Variants in NEK11 observed in about 807,000 individuals in gnomAD.
The protein encoded by NEK11 is serine/threonine-protein kinase Nek11.
A neutral mutation model predicts 80.7 loss-of-function variants in NEK11; 72 were observed. The observed-to-expected ratio is 0.89, with a 90% CI of 0.74 to 1.08. The LOEUF (loss-of-function observed/expected upper bound fraction) is 1.08. Among genes scored for constraint, NEK11 ranks in the 50% least tolerant of loss-of-function variants. The pLI, the probability that NEK11 is intolerant of heterozygous loss-of-function variation, is 0.00. For missense variants in NEK11, 764 were observed against 763.6 expected (o/e 1.00, Z -0.01); for synonymous variants, 251 against 260.7 (o/e 0.96, Z 0.36).
chr3:131,317,574 C>T lies in NEK11; in HGVS notation c.1719-31983C>T, dbSNP rs62280802. ...CAAAGTGTGGTCCCAGATGAGGAGCCGCAGTATCACTGGAGGTCCCATTAG... is the reference window on the plus strand; with the variant it reads ...CAAAGTGTGGTCCCAGATGAGGAGCTGCAGTATCACTGGAGGTCCCATTAG... On this transcript the variant is annotated intron_variant, in intron 17 of 17. Coordinates refer to ENST00000383366, the MANE Select transcript of NEK11 (RefSeq NM_024800.5). Among the ~76,000 whole-genome samples the T allele has an allele frequency of 2.3e-4, 35 of 151,696 alleles. No homozygotes were observed. In the East Asian group the frequency reaches 3.9e-3, roughly 17 times the overall value.
At chr3:131,207,400 G>A (rs1206136251) in intron 14 of NEK11, among the ~76,000 whole-genome samples, 7 of 152,102 alleles carry the variant, frequency 4.6e-5, no homozygotes, top group Non-Finnish European at 2.9e-5. Flanking sequence ...TGGCTAACAC[G>A]GTGAAACGCT....
intron 5 of NEK11, among the ~76,000 whole-genome samples, chr3:131,128,000 A>C (rs928470648): frequency 2.6e-5 from 4 of 152,248 alleles, no homozygotes; most frequent in African/African-American, 9.6e-5. Context: ...AAAATTTAAA[A>C]TAAACTTTAT....
intron 14 of NEK11, among the ~76,000 whole-genome samples, chr3:131,177,820 T>C (rs2093120691): frequency 6.6e-6 from 1 of 152,204 alleles, no homozygotes; most frequent in East Asian, 1.9e-4. Flanking sequence ...AAAAAACCTA[T>C]TCAAATATCA....
At chr3:131,210,565 C>T (rs2094577834) in intron 14 of NEK11, among the ~76,000 whole-genome samples, 1 of 152,144 alleles carries the variant, frequency 6.6e-6, no homozygotes, top group Admixed American at 6.5e-5. Flanking sequence ...CTAATGTTGA[C>T]AGTGGGGTGT....
chr3:131,170,698 G>T, intron 13 of NEK11, 75 bp from the exon 14 acceptor site: 2 of 925,212 alleles, frequency 2.2e-6, no homozygotes, highest in Non-Finnish European at 3.6e-6. Context: ...TTCTAAATAA[G>T]AATATTTTTT....
chr3:131,311,881 G>A (rs143059010), intron 17 of NEK11, among the ~76,000 whole-genome samples: 16 of 152,338 alleles, frequency 1.1e-4, no homozygotes, highest in Admixed American at 3.9e-4. Flanking sequence ...GTTTTAGAGA[G>A]CTGCTGAAAA....
chr3:131,207,877 A>G (rs1243647989), intron 14 of NEK11, among the ~76,000 whole-genome samples: 1 of 152,170 alleles, frequency 6.6e-6, no homozygotes, highest in African/African-American at 2.4e-5. Context: ...CCTTTGTCAG[A>G]TGGGTAGATT....
At chr3:131,253,480 G>T (rs1190016634) in intron 16 of NEK11, among the ~76,000 whole-genome samples, 2 of 152,112 alleles carry the variant, frequency 1.3e-5, no homozygotes, top group Non-Finnish European at 2.9e-5. Context: ...ATTTTACTGA[G>T]GGCAGATACT....
chr3:131,065,547 T>G (rs1030273446), intron 3 of NEK11, among the ~76,000 whole-genome samples: 2 of 152,186 alleles, frequency 1.3e-5, no homozygotes, highest in Non-Finnish European at 2.9e-5. Flanking sequence ...CCTGGAATAT[T>G]GGCTCTTTTA....
intron 3 of NEK11, among the ~76,000 whole-genome samples, chr3:131,047,629 A>G (rs866672903): frequency 6.6e-6 from 1 of 152,182 alleles, no homozygotes; most frequent in South Asian, 2.1e-4. Flanking sequence ...GATGTGAACC[A>G]TCTTCAGTCT....
chr3:131,152,140 ATTC>A (rs2089765334), intron 7 of NEK11, among the ~76,000 whole-genome samples: 1 of 151,984 alleles, frequency 6.6e-6, no homozygotes, highest in South Asian at 2.1e-4. Flanking sequence ...TGATCTGCTT[ATTC>A]TTTGATAAAA....
rs577246208 is a variant in NEK11, at chr3:131,234,495, C to A, written c.1560+5807C>A. On this transcript the variant is annotated intron_variant, in intron 15 of 17. Coordinates refer to ENST00000383366, the MANE Select transcript of NEK11 (RefSeq NM_024800.5). ...GCATTCCGCTGGCCTGTGTCCCAGGCTGTAAAGCCATCAGCCTTGCTACAG... is the reference window on the plus strand; with the variant it reads ...GCATTCCGCTGGCCTGTGTCCCAGGATGTAAAGCCATCAGCCTTGCTACAG... Among the ~76,000 whole-genome samples the A allele has an allele frequency of 2.6e-5, 4 of 152,326 alleles. No individual in the cohort carries two copies. The East Asian group carries it at 7.7e-4, about 29-fold the overall frequency.
intron 16 of NEK11, among the ~76,000 whole-genome samples, chr3:131,261,595 C>T (rs1561254430): frequency 6.6e-6 from 1 of 152,034 alleles, no homozygotes; most frequent in Non-Finnish European, 1.5e-5. Flanking sequence ...GGAAGTGAGA[C>T]CCAGGGAGGT....
At chr3:131,258,748 A>G (rs537987534) in intron 16 of NEK11, among the ~76,000 whole-genome samples, 3 of 152,300 alleles carry the variant, frequency 2.0e-5, no homozygotes, top group Admixed American at 6.5e-5. Context: ...GAATATTTGC[A>G]GTGTGAAATA....
chr3:131,288,653 T>C (rs916423895), intron 17 of NEK11, among the ~76,000 whole-genome samples: 2 of 152,128 alleles, frequency 1.3e-5, no homozygotes, highest in African/African-American at 2.4e-5. Context: ...GGTTTCTCCA[T>C]GTAGGTCTGA....
chr3:131,309,107 G>C (rs1485766717), intron 17 of NEK11, among the ~76,000 whole-genome samples: 2 of 152,156 alleles, frequency 1.3e-5, no homozygotes, highest in African/African-American at 4.8e-5. Flanking sequence ...ACTGGCCCGC[G>C]GCCTAAGGGT....
chr3:131,168,977 G>A, intron 13 of NEK11, 40 bp downstream of exon 13: 2 of 1,480,482 alleles, frequency 1.4e-6, no homozygotes, highest in South Asian at 1.2e-5. Context: ...AGTGAGGCAG[G>A]TTTAATGATA....
chr3:131,100,371 C>T (rs772456345), intron 4 of NEK11, among the ~76,000 whole-genome samples: 7 of 151,986 alleles, frequency 4.6e-5, no homozygotes, highest in Non-Finnish European at 1.0e-4. Flanking sequence ...CTGAGGTGGG[C>T]AGATCACGAG....
At chr3:131,255,894 C>T (rs2095806475) in intron 16 of NEK11, among the ~76,000 whole-genome samples, 1 of 152,114 alleles carries the variant, frequency 6.6e-6, no homozygotes, top group Non-Finnish European at 1.5e-5. Flanking sequence ...CAGCTGTAAC[C>T]AATAAAGCTG....
Sources: allele counts gnomAD v4.1 joint callset (sites outside exome capture counted in the v4.1 genomes callset), GRCh38; gene constraint gnomAD v4.1.1; transcripts MANE v1.5; gene names NCBI Gene and HGNC (gene_info 2026-07-23, HGNC 2026-07-21).